Variants in ADGB observed in about 807,000 individuals in gnomAD.
ADGB encodes calpain-7-like protein.
Under a neutral mutation model 210.5 loss-of-function variants are expected in ADGB, and 172 were observed. The ratio of observed to expected loss-of-function variants is 0.82; its 90% confidence interval spans 0.72 to 0.93. The LOEUF (loss-of-function observed/expected upper bound fraction) is 0.93. Among genes scored for constraint, ADGB ranks in the 40% least tolerant of loss-of-function variants. ADGB has a pLI of 0.00. For synonymous variants in ADGB, 658 were observed against 662.7 expected (o/e 0.99, Z 0.11); for missense variants, 2,025 against 1,964.8 (o/e 1.03, Z -0.58).
intron 3 of ADGB, among the ~76,000 whole-genome samples, chr6:146,647,105 C>A (rs9497587): frequency 0.12 from 16,235 of 132,868 alleles, 1,419 homozygotes; most frequent in Non-Finnish European, 0.15. Flanking sequence ...AAACAAAAAA[C>A]AAAAAACAAA....
chr6:146,679,092 G>A (rs1198029288), intron 9 of ADGB, among the ~76,000 whole-genome samples: 2 of 152,052 alleles, frequency 1.3e-5, no homozygotes, highest in African/African-American at 4.8e-5. Context: ...TATCACTTCT[G>A]GTCTCATTCT....
chr6:146,680,293 G>C (rs947734539), intron 9 of ADGB, among the ~76,000 whole-genome samples: 3 of 152,138 alleles, frequency 2.0e-5, no homozygotes, highest in Admixed American at 1.3e-4. Context: ...TGTTAAAGAT[G>C]GCAAAGCCAC....
chr6:146,658,362 C>A (rs956591260), intron 5 of ADGB, among the ~76,000 whole-genome samples: 3 of 151,816 alleles, frequency 2.0e-5, no homozygotes, highest in Admixed American at 2.0e-4. Flanking sequence ...TGCAGAGGAG[C>A]AAGCAGAAGG....
chr6:146,624,140 G>C (rs1168189040), intron 1 of ADGB, among the ~76,000 whole-genome samples: 1 of 151,742 alleles, frequency 6.6e-6, no homozygotes, highest in East Asian at 1.9e-4. Context: ...TGTTAGTGGA[G>C]AATTGGTGCT....
chr6:146,678,861 T>C (rs1292822004), intron 9 of ADGB, among the ~76,000 whole-genome samples: 3 of 152,194 alleles, frequency 2.0e-5, no homozygotes, highest in Admixed American at 6.6e-5. Flanking sequence ...GACTAACAAA[T>C]GATTCTAATG....
intron 1 of ADGB, among the ~76,000 whole-genome samples, chr6:146,620,754 G>C (rs1780876630): frequency 6.6e-6 from 1 of 152,022 alleles, no homozygotes; most frequent in Non-Finnish European, 1.5e-5. Context: ...CTCTTTAAGA[G>C]AATTATTCTA....
intron 1 of ADGB, among the ~76,000 whole-genome samples, chr6:146,620,166 T>C (rs1361041465): frequency 6.6e-6 from 1 of 152,124 alleles, no homozygotes; most frequent in Non-Finnish European, 1.5e-5. Context: ...CTCCATTGAA[T>C]GTGATATTTT....
chr6:146,633,015 G>A (rs184830136), intron 1 of ADGB, among the ~76,000 whole-genome samples: 9 of 152,048 alleles, frequency 5.9e-5, no homozygotes, highest in African/African-American at 2.2e-4. Flanking sequence ...TTCACTTGTT[G>A]TCCAATTTTT....
rs1777633332 is a variant in ADGB at position 146,770,436 on chromosome 6, C to G, written c.3862+1305C>G. Reference sequence around the variant, plus strand: ...TGAGTGTGCTTCCATAGCAACGCATCACACTGCCGAAATTCCAACGGCATC... The same window carrying G: ...TGAGTGTGCTTCCATAGCAACGCATGACACTGCCGAAATTCCAACGGCATC... On this transcript the variant is annotated intron_variant, in intron 29 of 35. Transcript: ENST00000397944. 27 of 274,688 alleles carry G rather than the reference C, an allele frequency of 9.8e-5. 2 individuals carry two copies. The highest frequency in any genetic ancestry group is 8.1e-4 in the South Asian group (25 of 30,984). The allele number at this position is 274,688 out of a possible 1,614,324, so 17.0% of individuals were successfully genotyped here. A position where few individuals can be genotyped will look rare whatever the true frequency, so the allele number is the denominator to read the frequency against.
intron 13 of ADGB, among the ~76,000 whole-genome samples, chr6:146,709,760 T>G (rs1353200801): frequency 6.6e-6 from 1 of 152,192 alleles, no homozygotes; most frequent in Non-Finnish European, 1.5e-5. Context: ...TTCCTTTTCC[T>G]TCTCCCAAGT....
intron 23 of ADGB, among the ~76,000 whole-genome samples, chr6:146,739,579 T>C (rs571520798): frequency 6.6e-6 from 1 of 152,124 alleles, no homozygotes; most frequent in South Asian, 2.1e-4. Context: ...TAAAATGGAG[T>C]ATGTGACTTT....
At chr6:146,637,623 C>T (rs1775444161) in intron 2 of ADGB, among the ~76,000 whole-genome samples, 1 of 152,002 alleles carries the variant, frequency 6.6e-6, no homozygotes, top group Admixed American at 6.6e-5. Flanking sequence ...ACCAAAGTTA[C>T]ACCAGCCCTA....
intron 28 of ADGB, among the ~76,000 whole-genome samples, chr6:146,766,981 C>T (rs1777586057): frequency 6.6e-6 from 1 of 152,152 alleles, no homozygotes; most frequent in Non-Finnish European, 1.5e-5. Context: ...AATCCTGAAA[C>T]ATTTGACAAA....
intron 13 of ADGB, among the ~76,000 whole-genome samples, chr6:146,708,788 A>C (rs973427182): frequency 6.6e-6 from 1 of 152,054 alleles, no homozygotes; most frequent in Admixed American, 6.6e-5. Context: ...TTATTTCTTT[A>C]AGTAAGTTTC....
At chr6:146,814,006 A>AT (rs1778342901) in intron 35 of ADGB, among the ~76,000 whole-genome samples, 1 of 130,030 alleles carries the variant, frequency 7.7e-6, no homozygotes, top group Non-Finnish European at 1.6e-5. Context: ...CTCTCCTTAA[A>AT]ATCTCTCTCT....
intron 8 of ADGB, among the ~76,000 whole-genome samples, chr6:146,675,488 A>G (rs930657915): frequency 6.6e-6 from 1 of 151,954 alleles, no homozygotes; most frequent in Non-Finnish European, 1.5e-5. Context: ...GAAAAAAAAA[A>G]GCTAAGGTAT....
chr6:146,801,756 T>C (rs1487623078), intron 34 of ADGB, 72 bp from the exon 35 acceptor site: 7 of 1,282,154 alleles, frequency 5.5e-6, no homozygotes, highest in Non-Finnish European at 7.4e-6. Flanking sequence ...TAAAATTATT[T>C]GATGTCTAAA....
At chr6:146,762,507 A>G (rs1562294897) in intron 27 of ADGB, among the ~76,000 whole-genome samples, 1 of 152,174 alleles carries the variant, frequency 6.6e-6, no homozygotes, top group East Asian at 1.9e-4. Context: ...TATCAGCTTC[A>G]TATCTATTTC....
chr6:146,802,581 A>G (rs868450506), intron 35 of ADGB: 3 of 507,276 alleles, frequency 5.9e-6, no homozygotes, highest in Non-Finnish European at 1.1e-5. Context: ...TTTCACCTCA[A>G]TGAAATTGAA....
Sources: gnomAD v4.1 joint callset for allele counts (sites outside exome capture counted in the v4.1 genomes callset) on GRCh38, gnomAD v4.1.1 for gene constraint, MANE v1.5 for transcripts, NCBI Gene and HGNC (gene_info 2026-07-23, HGNC 2026-07-21) for gene names.